The following MDFIC variants were observed in gnomAD, a reference collection of about 807,000 sequenced individuals.
MDFIC encodes MyoD family inhibitor domain containing, also known as myoD family inhibitor domain-containing protein.
A neutral mutation model predicts 23.2 loss-of-function variants in MDFIC; 17 were observed. The observed-to-expected ratio is 0.73, with a 90% CI of 0.50 to 1.10. MDFIC has a LOEUF of 1.10. Ranked by LOEUF, MDFIC falls within the 50% of genes least tolerant of loss-of-function variation. The pLI, the probability that MDFIC is intolerant of heterozygous loss-of-function variation, is 0.00. For missense variants in MDFIC, 356 were observed against 316.6 expected, an observed-to-expected ratio of 1.12 and a Z score of -0.95; for synonymous variants, 120 against 115.2, an observed-to-expected ratio of 1.04 and a Z score of -0.27.
chr7:114,955,231 T>C lies in MDFIC; in HGVS notation c.217+12834T>C, dbSNP rs1213241032. Among the ~76,000 whole-genome samples, 8 of 152,348 alleles carry C rather than the reference T, an allele frequency of 5.3e-5. No homozygotes were observed. In the East Asian group the frequency reaches 7.7e-4, roughly 15 times the overall value. On this transcript the variant is annotated intron_variant, in intron 3 of 4. Coordinates refer to ENST00000393486, the MANE Select transcript of MDFIC (RefSeq NM_001166345.3). ...TAAACTTTCATTAAGCAAATTTGGA[T>C]GATTGATTTTAAAAATTGAAATAAA...
intron 4 of MDFIC, among the ~76,000 whole-genome samples, chr7:115,010,667 A>G (rs1243955577): frequency 6.6e-6 from 1 of 152,194 alleles, no homozygotes; most frequent in Non-Finnish European, 1.5e-5. Context: ...GTAAATTATA[A>G]AGGACTTTGT....
At chr7:114,971,660 A>C (rs986230327) in intron 3 of MDFIC, among the ~76,000 whole-genome samples, 2 of 152,180 alleles carry the variant, frequency 1.3e-5, no homozygotes, top group Admixed American at 1.3e-4. Context: ...GCTTTTGTAC[A>C]TCATAATTTC....
rs377485635 is a variant in MDFIC at position 114,953,321 on chromosome 7, G to A, written c.217+10924G>A. On this transcript the variant is annotated intron_variant, in intron 3 of 4. Transcript: ENST00000393486. ...TTTACCCCAATGAAACAAAAAAATA[G>A]GTATATATCATAAAAATCTTTTTTA... is the stretch of plus-strand genomic sequence containing the variant. Among the ~76,000 whole-genome samples, 128 of 152,066 alleles carry A rather than the reference G, an allele frequency of 8.4e-4. 1 individual carries two copies. The highest frequency in any genetic ancestry group is 6.7e-3 in the South Asian group (32 of 4,800).
intron 2 of MDFIC, among the ~76,000 whole-genome samples, chr7:114,929,880 TGGGATGAA>T (rs1472722316): frequency 6.6e-6 from 1 of 152,052 alleles, no homozygotes; most frequent in Non-Finnish European, 1.5e-5. Context: ...TGGGATGGAA[TGGGATGAA>T]GGGACCAGTC....
At chr7:114,923,560 A>G in intron 2 of MDFIC, 3 of 1,534,872 alleles carry the variant, frequency 2.0e-6, no homozygotes, top group Non-Finnish European at 2.6e-6. Context: ...CACCCGGTTG[A>G]TAATTCAGGT....
At chr7:114,975,285 A>G (rs1793289170) in intron 3 of MDFIC, among the ~76,000 whole-genome samples, 1 of 152,124 alleles carries the variant, frequency 6.6e-6, no homozygotes, top group Non-Finnish European at 1.5e-5. Context: ...AAAAAAATGA[A>G]TAATTCAAAA....
chr7:114,942,243 C>A (rs1338433763), intron 2 of MDFIC, 32 bp from the exon 3 acceptor site: 3 of 1,267,442 alleles, frequency 2.4e-6, no homozygotes, highest in African/African-American at 3.1e-5. Flanking sequence ...TATATAAAAT[C>A]AATTATATTA....
chr7:114,982,380 C>T (rs1224021612), intron 4 of MDFIC, among the ~76,000 whole-genome samples: 1 of 152,032 alleles, frequency 6.6e-6, no homozygotes, highest in Non-Finnish European at 1.5e-5. Flanking sequence ...TCTATTTGTG[C>T]TGCTATAACA....
At chr7:115,012,497 A>C (rs1307687594) in intron 4 of MDFIC, among the ~76,000 whole-genome samples, 1 of 152,194 alleles carries the variant, frequency 6.6e-6, no homozygotes, top group Admixed American at 6.5e-5. Context: ...TGGAGCAACA[A>C]TCTTGGGAAC....
At chr7:114,932,353 T>C (rs1239912438) in intron 2 of MDFIC, among the ~76,000 whole-genome samples, 1 of 151,976 alleles carries the variant, frequency 6.6e-6, no homozygotes, top group Non-Finnish European at 1.5e-5. Flanking sequence ...AATTGGGGAG[T>C]TGTTACTAGC....
At position 115,018,231 on chromosome 7, in the gene MDFIC, A is replaced by G. The variant is rs1359589229; in HGVS notation, c.*2296A>G. On this transcript the variant is annotated 3_prime_UTR_variant, in exon 5 of 5. Coordinates refer to ENST00000393486, the MANE Select transcript of MDFIC (RefSeq NM_001166345.3). Reference sequence around the variant, plus strand: ...ACCCAAAATTAACTTATGCTCATATATTAGGATGTGAGAATATCATCTGTT... The same window carrying G: ...ACCCAAAATTAACTTATGCTCATATGTTAGGATGTGAGAATATCATCTGTT... The G allele has an allele frequency of 6.6e-6, 1 of 151,988 alleles. No individual in the cohort carries two copies. Among genetic ancestry groups the G allele is most frequent in the African/African-American group, 2.4e-5 (1 of 41,458 alleles). The allele number at this position is 151,988 out of a possible 1,614,324, so 9.4% of individuals were successfully genotyped here.
chr7:114,995,341 T>C (rs1481048759), intron 4 of MDFIC, among the ~76,000 whole-genome samples: 2 of 152,224 alleles, frequency 1.3e-5, no homozygotes, highest in Non-Finnish European at 2.9e-5. Flanking sequence ...CCTTCTTCTC[T>C]CAACTCGTCA....
intron 4 of MDFIC, among the ~76,000 whole-genome samples, chr7:115,013,748 G>A (rs1175537618): frequency 6.6e-6 from 1 of 152,162 alleles, no homozygotes; most frequent in Non-Finnish European, 1.5e-5. Flanking sequence ...CTCAACTGAA[G>A]AGAGTCATAT....
At position 114,942,338 on chromosome 7, in the gene MDFIC, A is replaced by T. The variant is rs111237862; in HGVS notation, c.158A>T (p.His53Leu). Reference sequence around the variant, plus strand: ...CAAGCTACCAATAGCCACTTCACACATGGAGAGATGCAAGACCAGTCCATT... The same window carrying T: ...CAAGCTACCAATAGCCACTTCACACTTGGAGAGATGCAAGACCAGTCCATT... The part of the protein sequence containing the change: ...ITQATNSHFT[H>L]GEMQDQSIWG... Residue 53 changes from histidine to leucine, a missense_variant, in exon 3 of 5, where the codon CAT (histidine) becomes CTT (leucine). By Grantham distance (99) the His-to-Leu change is moderately conservative. Transcript: ENST00000393486. The T allele has an allele frequency of 2.7e-4, 431 of 1,605,458 alleles. 1 individual carries two copies. In the African/African-American group the frequency reaches 4.9e-3, roughly 18 times the overall value.
intron 2 of MDFIC, among the ~76,000 whole-genome samples, chr7:114,938,857 C>T (rs1217487865): frequency 2.0e-5 from 3 of 152,100 alleles, no homozygotes; most frequent in Non-Finnish European, 4.4e-5. Context: ...ATTTATTAAA[C>T]CAGGGCTGAG....
At chr7:115,014,274 G>A (rs73447414) in intron 4 of MDFIC, 88 of 985,284 alleles carry the variant, frequency 8.9e-5, no homozygotes, top group South Asian at 1.4e-4. Flanking sequence ...AGAGACTGCC[G>A]TAGGTACCCT....
intron 3 of MDFIC, among the ~76,000 whole-genome samples, chr7:114,950,513 G>T (rs1182048451): frequency 6.6e-6 from 1 of 152,066 alleles, no homozygotes; most frequent in Non-Finnish European, 1.5e-5. Flanking sequence ...ACATCAGAGG[G>T]GTTAATAGTC....
intron 3 of MDFIC, among the ~76,000 whole-genome samples, chr7:114,950,946 T>C (rs1368836040): frequency 6.6e-6 from 1 of 152,084 alleles, no homozygotes; most frequent in Non-Finnish European, 1.5e-5. Context: ...AGCCAAGGCA[T>C]GAGGATTGCT....
At chr7:114,981,151 C>T (rs932475644) in intron 4 of MDFIC, among the ~76,000 whole-genome samples, 7 of 152,056 alleles carry the variant, frequency 4.6e-5, no homozygotes, top group African/African-American at 1.2e-4. Context: ...TCTAGGTGAT[C>T]GGGTGAAATA....
Sources: allele counts gnomAD v4.1 joint callset (sites outside exome capture counted in the v4.1 genomes callset), GRCh38; gene constraint gnomAD v4.1.1; transcripts MANE v1.5; gene names NCBI Gene and HGNC (gene_info 2026-07-23, HGNC 2026-07-21).